PPFIBP1: variants seen among roughly 807,000 people sequenced by gnomAD.
The protein encoded by PPFIBP1 is PPFIB scaffold protein 1, also known as liprin-beta-1.
A neutral mutation model predicts 137.8 loss-of-function variants in PPFIBP1; 112 were observed. That is an observed-to-expected ratio of 0.81 (90% CI 0.70 to 0.95). The LOEUF (loss-of-function observed/expected upper bound fraction) is 0.95. PPFIBP1 is among the 40% of genes least tolerant of loss of function. The pLI, the probability that PPFIBP1 is intolerant of heterozygous loss-of-function variation, is 0.00. For missense variants in PPFIBP1, 1,083 were observed against 1,196.6 expected, an observed-to-expected ratio of 0.91 and a Z score of 1.40; for synonymous variants, 378 against 417.3, an observed-to-expected ratio of 0.91 and a Z score of 1.15.
chr12:27,659,630 C>T (rs531133544), intron 10 of PPFIBP1, among the ~76,000 whole-genome samples: 5 of 147,530 alleles, frequency 3.4e-5, no homozygotes, highest in East Asian at 2.0e-4. Flanking sequence ...CATTGTACCA[C>T]GGCCTGGGCA....
intron 2 of PPFIBP1, chr12:27,593,285 G>A: frequency 3.5e-6 from 1 of 286,296 alleles, no homozygotes; most frequent in South Asian, 3.4e-5. Flanking sequence ...TTCGTTGTCT[G>A]TCTCCCACTG....
intron 11 of PPFIBP1, among the ~76,000 whole-genome samples, chr12:27,661,242 T>C (rs1487013518): frequency 1.3e-5 from 2 of 152,212 alleles, no homozygotes; most frequent in Non-Finnish European, 2.9e-5. Flanking sequence ...ACCTCCTGTA[T>C]GTGGGCACTG....
chr12:27,587,107 A>G (rs1462773073), intron 2 of PPFIBP1, among the ~76,000 whole-genome samples: 2 of 152,134 alleles, frequency 1.3e-5, no homozygotes, highest in Non-Finnish European at 1.5e-5. Context: ...AACTGAACCA[A>G]TTTGCCTTTT....
At chr12:27,592,139 AG>A (rs528674040) in intron 2 of PPFIBP1, among the ~76,000 whole-genome samples, 357 of 152,344 alleles carry the variant, frequency 2.3e-3, no homozygotes, top group African/African-American at 8.0e-3. Context: ...GTGTCCTCAC[AG>A]GGGGTGTCCT....
At position 27,684,248 on chromosome 12, in the gene PPFIBP1, A is replaced by AC. The variant is rs1439278703; in HGVS notation, c.2247+1546dup. ...CTCAGCCACCCGAGTAGCTGGGATT[A>AC]CAGGTGCACACCACTGCTCCTGGCT... On this transcript the variant is annotated intron_variant, in intron 24 of 29. Coordinates refer to ENST00000228425, the MANE Select transcript of PPFIBP1 (RefSeq NM_003622.4). Among the ~76,000 whole-genome samples the AC allele has an allele frequency of 1.3e-3, 194 of 152,168 alleles. 1 individual carries two copies. The highest frequency in any genetic ancestry group is 4.4e-3 in the African/African-American group (183 of 41,500).
chr12:27,597,085 C>T (rs1398230579), intron 2 of PPFIBP1, among the ~76,000 whole-genome samples: 3 of 152,198 alleles, frequency 2.0e-5, no homozygotes, highest in Non-Finnish European at 2.9e-5. Context: ...AAAGTACTTG[C>T]AAGGGGTACA....
At chr12:27,668,771 G>C (rs1405690620) in intron 13 of PPFIBP1, among the ~76,000 whole-genome samples, 2 of 152,160 alleles carry the variant, frequency 1.3e-5, no homozygotes, top group Non-Finnish European at 2.9e-5. Context: ...ATTATTTTTA[G>C]AGCCTTTCAT....
intron 2 of PPFIBP1, among the ~76,000 whole-genome samples, chr12:27,612,438 A>T (rs1475568512): frequency 6.7e-6 from 1 of 149,506 alleles, no homozygotes; most frequent in East Asian, 2.0e-4. Context: ...GACTCAAGTG[A>T]TCCTCCAAGT....
At chr12:27,535,558 G>A (rs1944901518) in intron 1 of PPFIBP1, among the ~76,000 whole-genome samples, 1 of 147,786 alleles carries the variant, frequency 6.8e-6, no homozygotes, top group African/African-American at 2.5e-5. Flanking sequence ...AACTACAGAT[G>A]CGTGCCTGGC....
At chr12:27,660,806 C>T in intron 10 of PPFIBP1, 78 bp from the exon 11 acceptor site, 1 of 1,526,990 alleles carries the variant, frequency 6.5e-7, no homozygotes, top group Non-Finnish European at 8.8e-7. Context: ...TAAAATATTT[C>T]AGTCTGGAGA....
chr12:27,670,788 A>ATAATAATAATAGT (rs57738136), intron 13 of PPFIBP1, among the ~76,000 whole-genome samples: 1 of 134,286 alleles, frequency 7.4e-6, no homozygotes, highest in Non-Finnish European at 1.6e-5. Flanking sequence ...CAAAAAAAAA[A>ATAATAATAATAGT]AAAAAAAATA....
intron 7 of PPFIBP1, among the ~76,000 whole-genome samples, chr12:27,650,615 A>G (rs748264548): frequency 2.0e-5 from 3 of 152,184 alleles, no homozygotes; most frequent in Non-Finnish European, 4.4e-5. Context: ...AGGTCTTTTA[A>G]TTTGGCATTC....
intron 2 of PPFIBP1, among the ~76,000 whole-genome samples, chr12:27,581,106 G>T (rs114391896): frequency 0.017 from 2,614 of 152,104 alleles, 72 homozygotes; most frequent in African/African-American, 0.06. Flanking sequence ...TATTGCCAAG[G>T]CTGGTCTTGA....
chr12:27,601,845 C>T (rs1445076300), intron 2 of PPFIBP1, among the ~76,000 whole-genome samples: 1 of 152,200 alleles, frequency 6.6e-6, no homozygotes, highest in Non-Finnish European at 1.5e-5. Flanking sequence ...GGCACAAAAA[C>T]ATCACACAAC....
In PPFIBP1 at chr12:27,667,337, A is replaced by G. The variant is rs1172670776; in HGVS notation, c.1146+17A>G. 16 of 1,564,322 alleles carry G rather than the reference A, an allele frequency of 1.0e-5. No homozygotes were observed. The highest frequency in any genetic ancestry group is 1.4e-5 in the Non-Finnish European group (16 of 1,155,110). Reference sequence around the variant, plus strand: ...CCCGAAGAGGTATTAATAGACTTTCAGTATTTCCTTTATGTTGAAGAGACT... The same window carrying G: ...CCCGAAGAGGTATTAATAGACTTTCGGTATTTCCTTTATGTTGAAGAGACT... On this transcript the variant is annotated intron_variant, in intron 13 of 29. Coordinates refer to ENST00000228425, the MANE Select transcript of PPFIBP1 (RefSeq NM_003622.4).
chr12:27,651,187 A>G (rs16932268), intron 7 of PPFIBP1, among the ~76,000 whole-genome samples: 1 of 152,170 alleles, frequency 6.6e-6, no homozygotes. Flanking sequence ...TTTTCTGTCA[A>G]AGATTCAATT....
chr12:27,596,071 T>TACACACACACACACAC lies in PPFIBP1; in HGVS notation c.-36+17854_-36+17869dup, dbSNP rs376577510. ...TCTAAATAAGGGGCATGGGTATAAA[T>TACACACACACACACAC]ACACACACACACACACACACACACA... On this transcript the variant is annotated intron_variant, in intron 2 of 29. Transcript: ENST00000228425. Among the ~76,000 whole-genome samples the TACACACACACACACAC allele has an allele frequency of 1.1e-3, 146 of 130,764 alleles. 2 individuals carry two copies. The highest frequency in any genetic ancestry group is 3.9e-3 in the African/African-American group (136 of 34,604). The allele number at this position is 130,764 out of a possible 152,430, so 85.8% of individuals were successfully genotyped here.
At chr12:27,606,038 C>A (rs1199155714) in intron 2 of PPFIBP1, among the ~76,000 whole-genome samples, 4 of 151,784 alleles carry the variant, frequency 2.6e-5, no homozygotes, top group Non-Finnish European at 4.4e-5. Flanking sequence ...TTAGAAAGGT[C>A]TAGTGAAAAT....
intron 7 of PPFIBP1, 151 bp from the exon 8 acceptor site, chr12:27,654,571 A>C: frequency 2.1e-6 from 2 of 941,036 alleles, no homozygotes; most frequent in Non-Finnish European, 2.9e-6. Context: ...GTTCTTAAGG[A>C]GGTACATTTA....
Sources: gnomAD v4.1 joint callset for allele counts (sites outside exome capture counted in the v4.1 genomes callset) on GRCh38, gnomAD v4.1.1 for gene constraint, MANE v1.5 for transcripts, NCBI Gene and HGNC (gene_info 2026-07-23, HGNC 2026-07-21) for gene names.